Variants in ERC2 observed in about 807,000 individuals in gnomAD.
The protein encoded by ERC2 is ERC protein 2.
Under a neutral mutation model 114.8 loss-of-function variants are expected in ERC2, and 42 were observed. The ratio of observed to expected loss-of-function variants is 0.37; its 90% CI spans 0.29 to 0.47. The LOEUF (loss-of-function observed/expected upper bound fraction) is 0.47. Among genes scored for constraint, ERC2 ranks in the 20% least tolerant of loss-of-function variants. The pLI, the probability that ERC2 is intolerant of heterozygous loss-of-function variation, is 0.99. For missense variants in ERC2, 939 were observed against 1,150.7 expected (o/e 0.82, Z 2.66); for synonymous variants, 454 against 425.5 (o/e 1.07, Z -0.82).
At chr3:55,765,982 C>G (rs2067753433) in intron 14 of ERC2, among the ~76,000 whole-genome samples, 1 of 152,186 alleles carries the variant, frequency 6.6e-6, no homozygotes, top group Non-Finnish European at 1.5e-5. Flanking sequence ...AAACATGGCT[C>G]AAGGATACTG....
At chr3:56,049,818 A>G (rs1368177981) in intron 7 of ERC2, among the ~76,000 whole-genome samples, 1 of 145,208 alleles carries the variant, frequency 6.9e-6, no homozygotes, top group African/African-American at 2.6e-5. Context: ...CCCATCATAT[A>G]TGTGTGTGTG....
chr3:56,445,617 C>T (rs895573539), intron 1 of ERC2, among the ~76,000 whole-genome samples: 1 of 152,274 alleles, frequency 6.6e-6, no homozygotes, highest in South Asian at 2.1e-4. Context: ...AAAACCAAAA[C>T]GCTTCCCATG....
rs1559689589 is a variant in ERC2, at chr3:55,808,737, ATATAT to A, written c.2565-73824_2565-73820del. 4.3e-3 allele frequency among the ~76,000 whole-genome samples: 474 copies of A among 109,502 alleles called. 6 individuals are homozygous for A. Among genetic ancestry groups the A allele is most frequent in the East Asian group, 9.2e-3 (35 of 3,824 alleles). 71.8% of individuals were successfully genotyped at this position (109,502 alleles called of 152,430 possible). On this transcript the variant is annotated intron_variant, in intron 14 of 17. Coordinates refer to ENST00000288221, the MANE Select transcript of ERC2 (RefSeq NM_015576.3). ...TATATATATATATATATATATATAT[ATATAT>A]AACGTATAACTAAACATATATATAT...
At chr3:55,822,708 G>A (rs1339238878) in intron 14 of ERC2, among the ~76,000 whole-genome samples, 1 of 150,350 alleles carries the variant, frequency 6.7e-6, no homozygotes, top group Non-Finnish European at 1.5e-5. Flanking sequence ...TGGGACTACA[G>A]GCACCCGCCA....
intron 14 of ERC2, among the ~76,000 whole-genome samples, chr3:55,832,934 C>T (rs2060674644): frequency 6.6e-6 from 1 of 151,926 alleles, no homozygotes; most frequent in South Asian, 2.1e-4. Flanking sequence ...GAGCTGAAAG[C>T]CAAGGCTCGA....
At chr3:56,040,669 T>C (rs1022832453) in intron 7 of ERC2, among the ~76,000 whole-genome samples, 16 of 132,960 alleles carry the variant, frequency 1.2e-4, no homozygotes, top group Non-Finnish European at 2.6e-4. Context: ...TATACATATA[T>C]AGATAGATAC....
At chr3:56,158,165 T>G (rs187664962) in intron 4 of ERC2, among the ~76,000 whole-genome samples, 2 of 152,282 alleles carry the variant, frequency 1.3e-5, no homozygotes, top group Admixed American at 1.3e-4. Context: ...CTTGGCAGAA[T>G]TTTTAAAGTA....
chr3:55,916,403 C>A (rs2065095365), intron 13 of ERC2, among the ~76,000 whole-genome samples: 1 of 152,110 alleles, frequency 6.6e-6, no homozygotes, highest in African/African-American at 2.4e-5. Context: ...AATTCCAGGA[C>A]ACTAAGCAAA....
At chr3:56,053,740 T>C (rs575845669) in intron 7 of ERC2, among the ~76,000 whole-genome samples, 167 of 152,054 alleles carry the variant, frequency 1.1e-3, no homozygotes, top group African/African-American at 3.9e-3. Flanking sequence ...ATGTGTACTA[T>C]GAAAATTATA....
At chr3:55,813,506 A>G (rs1033842926) in intron 14 of ERC2, among the ~76,000 whole-genome samples, 2 of 151,984 alleles carry the variant, frequency 1.3e-5, no homozygotes, top group African/African-American at 2.4e-5. Flanking sequence ...CTTACTCCAC[A>G]CTGCTTCTCA....
At chr3:55,877,314 C>T (rs923803783) in intron 14 of ERC2, among the ~76,000 whole-genome samples, 9 of 152,040 alleles carry the variant, frequency 5.9e-5, no homozygotes, top group Non-Finnish European at 8.8e-5. Flanking sequence ...ATTAAGGCCT[C>T]AGAGAATCAC....
intron 2 of ERC2, among the ~76,000 whole-genome samples, chr3:56,337,155 C>T (rs6781931): frequency 0.33 from 50,139 of 151,950 alleles, 8,358 homozygotes; most frequent in Admixed American, 0.35. Context: ...ACTTAATAAA[C>T]GCTTCAAGCT....
At chr3:55,757,611 T>C (rs2067142571) in intron 14 of ERC2, among the ~76,000 whole-genome samples, 1 of 152,178 alleles carries the variant, frequency 6.6e-6, no homozygotes, top group African/African-American at 2.4e-5. Flanking sequence ...ACAGGATTGC[T>C]GTGAGAAATC....
chr3:55,583,803 G>T (rs1360783482), intron 17 of ERC2, among the ~76,000 whole-genome samples: 2 of 151,684 alleles, frequency 1.3e-5, no homozygotes, highest in Non-Finnish European at 2.9e-5. Context: ...TCACTGAGTT[G>T]CTTTTCCCAT....
rs183495589 is a variant in ERC2, at chr3:55,688,997, C to T, written c.2848-5138G>A. ...TTCTTCTACACCCCAGTGGTGAAAG[C>T]GAAACTTCATTGGCTGAGGGGGATC... On this transcript the variant is annotated intron_variant, in intron 16 of 17. Transcript: ENST00000288221. Among the ~76,000 whole-genome samples the T allele has an allele frequency of 3.9e-5, 6 of 152,186 alleles. No homozygotes were observed. In the South Asian group the frequency reaches 8.3e-4, roughly 21 times the overall value.
chr3:56,210,185 G>A (rs2048974338), intron 3 of ERC2, among the ~76,000 whole-genome samples: 1 of 152,214 alleles, frequency 6.6e-6, no homozygotes, highest in Non-Finnish European at 1.5e-5. Flanking sequence ...ATAAAGAAGA[G>A]AACTTGGCAA....
intron 1 of ERC2, among the ~76,000 whole-genome samples, chr3:56,466,422 A>T (rs1174678623): frequency 6.6e-6 from 1 of 152,142 alleles, no homozygotes; most frequent in African/African-American, 2.4e-5. Flanking sequence ...CTGGTCCTTC[A>T]CCCATGATTC....
At chr3:55,593,941 G>A (rs2058020560) in intron 17 of ERC2, among the ~76,000 whole-genome samples, 1 of 152,056 alleles carries the variant, frequency 6.6e-6, no homozygotes, top group Non-Finnish European at 1.5e-5. Flanking sequence ...CAGTGATACT[G>A]TGTCAGATGC....
chr3:56,354,208 A>T (rs1057084995), intron 2 of ERC2, among the ~76,000 whole-genome samples: 1 of 152,260 alleles, frequency 6.6e-6, no homozygotes, highest in African/African-American at 2.4e-5. Context: ...ATTTGCAAAA[A>T]GCTGTATGTA....
Sources: allele counts gnomAD v4.1 joint callset (sites outside exome capture counted in the v4.1 genomes callset), GRCh38; gene constraint gnomAD v4.1.1; transcripts MANE v1.5; gene names NCBI Gene and HGNC (gene_info 2026-07-23, HGNC 2026-07-21).